Variants in LACTB2 observed in about 807,000 individuals in gnomAD.
LACTB2 encodes the protein endoribonuclease LACTB2.
Under a neutral mutation model 34.8 loss-of-function variants are expected in LACTB2, and 32 were observed. The observed-to-expected ratio is 0.92, with a 90% confidence interval of 0.69 to 1.24. The LOEUF is 1.24. Among genes scored for constraint, LACTB2 ranks in the 50% most tolerant of loss-of-function variants. The pLI, the probability that LACTB2 is intolerant of heterozygous loss-of-function variation, is 0.00. For synonymous variants in LACTB2, 120 were observed against 117.5 expected, an observed-to-expected ratio of 1.02 and a Z score of -0.14; for missense variants, 320 against 345.0, an observed-to-expected ratio of 0.93 and a Z score of 0.57.
chr8:70,659,363 T>A (rs1443835084), intron 2 of LACTB2, among the ~76,000 whole-genome samples: 3 of 151,988 alleles, frequency 2.0e-5, no homozygotes, highest in Non-Finnish European at 4.4e-5. Context: ...AATAGTAGGG[T>A]TAAGACGGTA....
chr8:70,668,748 GTTTTTTTT>G (rs990900411), intron 1 of LACTB2, among the ~76,000 whole-genome samples: 36 of 103,722 alleles, frequency 3.5e-4, no homozygotes, highest in African/African-American at 1.4e-3. Context: ...CAAAACAGAA[GTTTTTTTT>G]TTTTTTTTTT....
intron 1 of LACTB2, among the ~76,000 whole-genome samples, chr8:70,666,311 G>A (rs978962029): frequency 6.6e-6 from 1 of 152,196 alleles, no homozygotes; most frequent in Admixed American, 6.5e-5. Context: ...ACCATGAAAA[G>A]TATGGAGTGT....
intron 3 of LACTB2, chr8:70,645,989 T>C (rs1048974730): frequency 2.0e-5 from 3 of 152,216 alleles, no homozygotes; most frequent in African/African-American, 7.2e-5. Context: ...GCATGATTTA[T>C]AATCCTTTGA....
At chr8:70,649,412 T>C (rs958127765) in intron 3 of LACTB2, among the ~76,000 whole-genome samples, 1 of 152,196 alleles carries the variant, frequency 6.6e-6, no homozygotes, top group Admixed American at 6.5e-5. Context: ...AAGATTTATA[T>C]ACTCAGAGTT....
chr8:70,656,345 G>A (rs1367352963), intron 3 of LACTB2, among the ~76,000 whole-genome samples: 1 of 152,118 alleles, frequency 6.6e-6, no homozygotes, highest in Non-Finnish European at 1.5e-5. Flanking sequence ...AATCCATCTT[G>A]AGTTGATTTT....
At position 70,660,445 on chromosome 8, in the gene LACTB2, T is replaced by G. The variant is rs543493501; in HGVS notation, c.286+1289A>C. Reference sequence around the variant, plus strand: ...AGCTTGGTTGCCAGTTTTTTATAACTGGCAGCCTGGTGATATTGGGTGTGG... The same window carrying G: ...AGCTTGGTTGCCAGTTTTTTATAACGGGCAGCCTGGTGATATTGGGTGTGG... On this transcript the variant is annotated intron_variant, in intron 2 of 6. Coordinates refer to ENST00000276590, the MANE Select transcript of LACTB2 (RefSeq NM_016027.3). 1.9e-4 allele frequency: 71 copies of G among 367,542 alleles called. No individual in the cohort carries two copies. The Admixed American group carries it at 2.4e-3, about 13-fold the overall frequency. The allele number at this position is 367,542 out of a possible 1,614,324, so 22.8% of individuals were successfully genotyped here.
chr8:70,639,755 G>T (rs34452844), intron 5 of LACTB2, among the ~76,000 whole-genome samples: 22,788 of 151,616 alleles, frequency 0.15, 2,412 homozygotes, highest in African/African-American at 0.3. Flanking sequence ...CTGAGGTCGG[G>T]AGTTCGAGAC....
In LACTB2 at chr8:70,669,108, G is replaced by C. The variant is rs760734764; in HGVS notation, c.13C>G (p.Leu5Val). Reference sequence around the variant, plus strand: ...TTGGACAGCCGCTCGACGCGCTGCAGTACAGCAGCCATTCCCGCCTCAGCC... The same window carrying C: ...TTGGACAGCCGCTCGACGCGCTGCACTACAGCAGCCATTCCCGCCTCAGCC... Reference protein sequence around the residue: MAAVLQRVERLSNRV... With the variant: MAAVVQRVERLSNRV... The change falls in exon 1 of 7, where the codon CTG (leucine) becomes GTG (valine). Residue 5 changes from leucine to valine, a missense_variant. By Grantham distance (32) the Leu-to-Val change is conservative. Transcript: ENST00000276590. The C allele has an allele frequency of 5.6e-6, 9 of 1,607,442 alleles. No homozygotes were observed. The Admixed American group carries it at 1.3e-4, about 24-fold the overall frequency.
intron 4 of LACTB2, among the ~76,000 whole-genome samples, chr8:70,642,206 G>A (rs1479515684): frequency 2.0e-5 from 3 of 152,000 alleles, no homozygotes; most frequent in South Asian, 2.1e-4. Context: ...TGCCCTCTTC[G>A]CTTTAAAAAT....
At chr8:70,641,124 C>A in intron 4 of LACTB2, 74 bp from the exon 5 acceptor site, 1 of 1,285,706 alleles carries the variant, frequency 7.8e-7, no homozygotes. Flanking sequence ...CTAACTCACT[C>A]TATTTAAAAA....
At chr8:70,668,796 G>A (rs388756) in intron 1 of LACTB2, among the ~76,000 whole-genome samples, 1 of 140,254 alleles carries the variant, frequency 7.1e-6, no homozygotes, top group Non-Finnish European at 1.5e-5. Context: ...CTAAATTAGA[G>A]AGCTATCACC....
chr8:70,659,766 C>T (rs910854552), intron 2 of LACTB2, among the ~76,000 whole-genome samples: 5 of 152,158 alleles, frequency 3.3e-5, no homozygotes, highest in African/African-American at 1.2e-4. Context: ...TTGTATCTGT[C>T]TTCAAAATTA....
At chr8:70,648,214 C>G (rs1321378504) in intron 3 of LACTB2, among the ~76,000 whole-genome samples, 1 of 152,130 alleles carries the variant, frequency 6.6e-6, no homozygotes, top group East Asian at 1.9e-4. Context: ...TCCCAAACAG[C>G]TCTGTAGTTT....
intron 1 of LACTB2, chr8:70,663,134 G>A (rs1262156133): frequency 6.6e-6 from 1 of 152,136 alleles, no homozygotes. Flanking sequence ...CCTAATATGT[G>A]CTACAAATTT....
In LACTB2 at chr8:70,657,860, T is replaced by G; in HGVS notation, c.309A>C (p.Lys103Asn). The change falls in exon 3 of 7, where the codon AAA (lysine) becomes AAC (asparagine). Residue 103 changes from lysine to asparagine, a missense_variant. Physicochemically the swap from Lys to Asn is moderately conservative, Grantham distance 94 (BLOSUM62 0). Coordinates refer to ENST00000276590, the MANE Select transcript of LACTB2 (RefSeq NM_016027.3). Reference sequence around the variant, plus strand: ...CTTCTCTCTGAGGATTCCGTGGGAGTTTTTTAATGCAATAGGTAGTGTCTA... The same window carrying G: ...CTTCTCTCTGAGGATTCCGTGGGAGGTTTTTAATGCAATAGGTAGTGTCTA... The part of the protein sequence containing the change: ...INNDTTYCIK[K>N]LPRNPQREEI... 6.3e-7 allele frequency: 1 copy of G among 1,598,880 alleles called. No individual in the cohort carries two copies. The highest frequency in any genetic ancestry group is 8.6e-7 in the Non-Finnish European group (1 of 1,167,032).
chr8:70,663,771 C>T (rs1818507800), intron 1 of LACTB2, among the ~76,000 whole-genome samples: 1 of 151,980 alleles, frequency 6.6e-6, no homozygotes, highest in African/African-American at 2.4e-5. Flanking sequence ...CTATTCCTAG[C>T]CATCTTATCT....
At position 70,637,772 on chromosome 8, in the gene LACTB2, T is replaced by G; in HGVS notation, c.*88A>C. 1.4e-6 allele frequency: 1 copy of G among 728,698 alleles called. No homozygotes were observed. Among genetic ancestry groups the G allele is most frequent in the East Asian group, 3.0e-5 (1 of 33,580 alleles). 45.1% of individuals were successfully genotyped at this position (728,698 alleles called of 1,614,324 possible). On this transcript the variant is annotated 3_prime_UTR_variant, in exon 7 of 7. Coordinates refer to ENST00000276590, the MANE Select transcript of LACTB2 (RefSeq NM_016027.3). ...TAGGGTTATTTTTAATGTTTTATAC[T>G]TTTATATTCTCTATAAAATAACCTA...
intron 3 of LACTB2, among the ~76,000 whole-genome samples, chr8:70,650,819 C>T (rs144155141): frequency 8.5e-4 from 128 of 151,144 alleles, no homozygotes; most frequent in African/African-American, 2.9e-3. Context: ...AAAATACTAC[C>T]CAATTTTATT....
At chr8:70,659,614 T>G (rs1484077688) in intron 2 of LACTB2, among the ~76,000 whole-genome samples, 2 of 152,248 alleles carry the variant, frequency 1.3e-5, no homozygotes, top group Non-Finnish European at 2.9e-5. Flanking sequence ...GAGGTTTTTT[T>G]GTTTGTTTTG....
Sources: allele counts gnomAD v4.1 joint callset (sites outside exome capture counted in the v4.1 genomes callset), GRCh38; gene constraint gnomAD v4.1.1; transcripts MANE v1.5; gene names NCBI Gene and HGNC (gene_info 2026-07-23, HGNC 2026-07-21).